Variants in CHRM3 observed in about 807,000 individuals in gnomAD.
CHRM3 encodes muscarinic acetylcholine receptor M3.
A neutral mutation model predicts 41.8 loss-of-function variants in CHRM3; 11 were observed. The ratio of observed to expected loss-of-function variants is 0.26; its 90% CI spans 0.17 to 0.44. CHRM3 has a LOEUF of 0.44. Among genes scored for constraint, CHRM3 ranks in the 20% least tolerant of loss-of-function variants. The pLI, the probability that CHRM3 is intolerant of heterozygous loss-of-function variation, is 1.00. For synonymous variants in CHRM3, 297 were observed against 301.4 expected (o/e 0.99, Z 0.15); for missense variants, 571 against 745.4 (o/e 0.77, Z 2.72).
chr1:239,609,611 A>C (rs1666760196), intron 3 of CHRM3, among the ~76,000 whole-genome samples: 1 of 152,242 alleles, frequency 6.6e-6, no homozygotes, highest in Admixed American at 6.5e-5. Flanking sequence ...CATTTTCAGC[A>C]GCAGATGACA....
intron 5 of CHRM3, among the ~76,000 whole-genome samples, chr1:239,697,003 G>A (rs1375690879): frequency 1.3e-5 from 2 of 152,110 alleles, no homozygotes; most frequent in Non-Finnish European, 2.9e-5. Flanking sequence ...TGTGTTTCAG[G>A]GAATAACTAT....
intron 2 of CHRM3, among the ~76,000 whole-genome samples, chr1:239,523,074 C>A (rs936566030): frequency 6.6e-6 from 1 of 151,848 alleles, no homozygotes; most frequent in Non-Finnish European, 1.5e-5. Flanking sequence ...ATTCTTCCCA[C>A]CTGTCTAATC....
rs978585590 is a variant in CHRM3 at position 239,644,668 on chromosome 1, G to A, written c.-250+12382G>A. On this transcript the variant is annotated intron_variant, in intron 4 of 6. Transcript: ENST00000676153. ...TGATGAGAGAGATGAGAAGAAAGCCGGAGTGGACTCTTTGACACTGTGCTT... is the reference window on the plus strand; with the variant it reads ...TGATGAGAGAGATGAGAAGAAAGCCAGAGTGGACTCTTTGACACTGTGCTT... Among the ~76,000 whole-genome samples the A allele has an allele frequency of 1.1e-4, 17 of 152,130 alleles. No individual in the cohort carries two copies. In the South Asian group the frequency reaches 1.5e-3, roughly 13 times the overall value.
intron 5 of CHRM3, among the ~76,000 whole-genome samples, chr1:239,760,395 A>G (rs1272512442): frequency 6.6e-6 from 1 of 152,028 alleles, no homozygotes; most frequent in African/African-American, 2.4e-5. Context: ...AAAAATATGT[A>G]GTTTATTGTA....
chr1:239,486,682 G>T (rs1040211167), intron 1 of CHRM3, among the ~76,000 whole-genome samples: 1 of 152,010 alleles, frequency 6.6e-6, no homozygotes, highest in Non-Finnish European at 1.5e-5. Flanking sequence ...TTACAAAACA[G>T]GTGGCTAATA....
Position 239,519,738 on chromosome 1 carries a change from G to A in CHRM3, c.-421-25903G>A, listed in dbSNP as rs567498007. On this transcript the variant is annotated intron_variant, in intron 2 of 6. Coordinates refer to ENST00000676153, the MANE Select transcript of CHRM3 (RefSeq NM_001375978.1). ...GCCATTTTCACGTGGTTAAAAACTA[G>A]TTCTTTTTTTTTTTTTTTTTTTTTT... Among the ~76,000 whole-genome samples the A allele has an allele frequency of 4.0e-5, 4 of 99,010 alleles. No individual in the cohort carries two copies. The South Asian group carries it at 1.4e-3, about 36-fold the overall frequency. The allele number at this position is 99,010 out of a possible 152,430, so 65.0% of individuals were successfully genotyped here. A position where few individuals can be genotyped will look rare whatever the true frequency, so the allele number is the denominator to read the frequency against.
At chr1:239,888,572 TG>T (rs71567255) in intron 6 of CHRM3, among the ~76,000 whole-genome samples, 37,373 of 145,462 alleles carry the variant, frequency 0.26, 5,145 homozygotes, top group South Asian at 0.35. Context: ...CACTCCAACC[TG>T]GGCCAGAGAG....
chr1:239,658,814 C>G (rs910285897), intron 4 of CHRM3, among the ~76,000 whole-genome samples: 3 of 152,072 alleles, frequency 2.0e-5, no homozygotes, highest in Middle Eastern at 3.4e-3. Context: ...TCTTGGCTCA[C>G]TGCAACCTCC....
rs559879105 is a variant in CHRM3 at position 239,438,050 on chromosome 1, A to G, written c.-521+50823A>G. Among the ~76,000 whole-genome samples the G allele has an allele frequency of 2.0e-5, 3 of 152,162 alleles. No homozygotes were observed. In the East Asian group the frequency reaches 5.8e-4, roughly 29 times the overall value. Reference sequence around the variant, plus strand: ...AAGGAAGCAGCAGATGGAACCACAGACTCTAAAGCTCAGCAATGACTTCTT... The same window carrying G: ...AAGGAAGCAGCAGATGGAACCACAGGCTCTAAAGCTCAGCAATGACTTCTT... On this transcript the variant is annotated intron_variant, in intron 1 of 6. Coordinates refer to ENST00000676153, the MANE Select transcript of CHRM3 (RefSeq NM_001375978.1).
intron 5 of CHRM3, among the ~76,000 whole-genome samples, chr1:239,785,263 TAA>T (rs1487065992): frequency 6.6e-6 from 1 of 152,178 alleles, no homozygotes; most frequent in Non-Finnish European, 1.5e-5. Context: ...TGATTGTAGA[TAA>T]ACTCTCTGTG....
At chr1:239,484,091 G>A (rs573021985) in intron 1 of CHRM3, among the ~76,000 whole-genome samples, 5 of 152,064 alleles carry the variant, frequency 3.3e-5, no homozygotes, top group Non-Finnish European at 5.9e-5. Flanking sequence ...GGATGTATTC[G>A]TTCTTTCTTG....
chr1:239,888,827 A>G lies in CHRM3; in HGVS notation c.-19-18606A>G, dbSNP rs568336625. On this transcript the variant is annotated intron_variant, in intron 6 of 6. Transcript: ENST00000676153. ...CAGGGATCTTAACGCTACTTCTTCT[A>G]TCATGTAAAACCCACTCAAAGGACT... Among the ~76,000 whole-genome samples, 4 of 152,272 alleles carry G rather than the reference A, an allele frequency of 2.6e-5. No homozygotes were observed. The East Asian group carries it at 5.8e-4, about 22-fold the overall frequency.
At chr1:239,777,958 C>T (rs1471657805) in intron 5 of CHRM3, among the ~76,000 whole-genome samples, 2 of 151,848 alleles carry the variant, frequency 1.3e-5, no homozygotes, top group South Asian at 2.1e-4. Flanking sequence ...CAGGGAGGTC[C>T]GGGGAAAGGT....
intron 1 of CHRM3, among the ~76,000 whole-genome samples, chr1:239,402,557 G>A (rs1467381872): frequency 6.6e-6 from 1 of 152,082 alleles, no homozygotes; most frequent in Non-Finnish European, 1.5e-5. Flanking sequence ...AGCCACATCA[G>A]CCTGCTTGTG....
chr1:239,545,279 G>A (rs572630198), intron 2 of CHRM3, among the ~76,000 whole-genome samples: 2 of 152,134 alleles, frequency 1.3e-5, no homozygotes, highest in Non-Finnish European at 1.5e-5. Context: ...CTAGGCTATG[G>A]GTACACAAAG....
chr1:239,728,189 A>G (rs1381580481), intron 5 of CHRM3, among the ~76,000 whole-genome samples: 3 of 151,978 alleles, frequency 2.0e-5, no homozygotes, highest in East Asian at 1.9e-4. Flanking sequence ...TGGAGCAAAT[A>G]TGCTTCACTC....
intron 5 of CHRM3, among the ~76,000 whole-genome samples, chr1:239,712,894 A>G (rs997880924): frequency 6.6e-6 from 1 of 152,178 alleles, no homozygotes; most frequent in Non-Finnish European, 1.5e-5. Flanking sequence ...GTAAAAAGAC[A>G]TATTTTTGTC....
chr1:239,446,051 C>A (rs1572333121), intron 1 of CHRM3, among the ~76,000 whole-genome samples: 1 of 152,114 alleles, frequency 6.6e-6, no homozygotes, highest in Admixed American at 6.6e-5. Flanking sequence ...AATTCTCCTG[C>A]CTCAGCCTCT....
chr1:239,650,079 A>C (rs892911987), intron 4 of CHRM3, among the ~76,000 whole-genome samples: 2 of 152,140 alleles, frequency 1.3e-5, no homozygotes, highest in African/African-American at 4.8e-5. Context: ...TGGGACTCTC[A>C]TCAGGTGAAC....
Sources: allele counts gnomAD v4.1 joint callset (sites outside exome capture counted in the v4.1 genomes callset), GRCh38; gene constraint gnomAD v4.1.1; transcripts MANE v1.5; gene names NCBI Gene and HGNC (gene_info 2026-07-23, HGNC 2026-07-21).